RASL10A: variants seen among roughly 807,000 people sequenced by gnomAD.
The protein encoded by RASL10A is ras-like protein family member 10A.
In RASL10A, 13 loss-of-function variants were observed where a neutral mutation model predicts 17.3. The ratio of observed to expected loss-of-function variants is 0.75; its 90% CI spans 0.49 to 1.20. RASL10A has a LOEUF of 1.20. Among genes scored for constraint, RASL10A ranks in the 50% most tolerant of loss-of-function variants. RASL10A has a pLI of 0.00. For synonymous variants in RASL10A, 159 were observed against 142.2 expected (o/e 1.12, Z -0.84); for missense variants, 307 against 310.3 (o/e 0.99, Z 0.08).
Position 29,313,289 on chromosome 22 carries a change from T to C in RASL10A, c.*12A>G, listed in dbSNP as rs748723008. On this transcript the variant is annotated 3_prime_UTR_variant, in exon 3 of 3. Transcript: ENST00000216101. The stretch of plus-strand genomic sequence containing the variant: ...ACAAGGTGGGGCCCATGGATGGCAC[T>C]GTCCGATCGGGTCACATGAGGCTGC... 7 of 1,487,888 alleles carry C rather than the reference T, an allele frequency of 4.7e-6. No individual in the cohort carries two copies. Among genetic ancestry groups the C allele is most frequent in the Non-Finnish European group, 5.4e-6 (6 of 1,116,088 alleles). The allele number at this position is 1,487,888 out of a possible 1,614,324, so 92.2% of individuals were successfully genotyped here. A position where few individuals can be genotyped will look rare whatever the true frequency, so the allele number is the denominator to read the frequency against.
intron 2 of RASL10A, 44 bp from the exon 3 acceptor site, chr22:29,313,612 G>A (rs199553874): frequency 4.0e-6 from 6 of 1,489,840 alleles, no homozygotes; most frequent in Admixed American, 2.3e-5. Flanking sequence ...CCCCACGGCC[G>A]GAGAATTCCC....
At chr22:29,314,084 T>TC (rs2061438355) in intron 1 of RASL10A, 97 bp from the exon 2 acceptor site, 1 of 1,517,738 alleles carries the variant, frequency 6.6e-7, no homozygotes, top group African/African-American at 1.4e-5. Flanking sequence ...CAGGCCAACA[T>TC]CACCCCCATA....
In RASL10A at chr22:29,312,943, T is replaced by G; in HGVS notation, c.*358A>C. The G allele has an allele frequency of 3.3e-6, 1 of 306,598 alleles. No individual in the cohort carries two copies. The highest frequency in any genetic ancestry group is 5.9e-6 in the Non-Finnish European group (1 of 168,194). 19.0% of individuals were successfully genotyped at this position (306,598 alleles called of 1,614,324 possible). ...AAATCCCAGGCGCACTCAAATTATT[T>G]TCCCTTTTATTATCCCGTGGTAGGT... On this transcript the variant is annotated 3_prime_UTR_variant, in exon 3 of 3. Transcript: ENST00000216101.
At position 29,313,412 on chromosome 22, in the gene RASL10A, C is replaced by T. The variant is rs1468098195; in HGVS notation, c.501G>A (p.Val167=). Residue 167 remains valine (V), a synonymous_variant, in exon 3 of 3, where the codon GTG becomes GTA. Coordinates refer to ENST00000216101, the MANE Select transcript of RASL10A (RefSeq NM_006477.5). ...GCAGCAGCTCGCGGAAGAGACGCAGCACGTGCCAGTTGTACTTGGCGGAGC... is the reference window on the plus strand; with the variant it reads ...GCAGCAGCTCGCGGAAGAGACGCAGTACGTGCCAGTTGTACTTGGCGGAGC... The part of the protein sequence containing the change: ...LECSAKYNWH[V]LRLFRELLRC... 6 of 1,541,762 alleles carry T rather than the reference C, an allele frequency of 3.9e-6. No individual in the cohort carries two copies. The African/African-American group carries it at 6.8e-5, about 18-fold the overall frequency.
upstream of RASL10A, among the ~76,000 whole-genome samples, chr22:29,318,411 C>A (rs1382206021): frequency 6.6e-6 from 1 of 152,212 alleles, no homozygotes; most frequent in Non-Finnish European, 1.5e-5. Context: ...GGCTGAGAAG[C>A]CTGGCTTCAT....
chr22:29,314,094 AC>A, intron 1 of RASL10A, 107 bp from the exon 2 acceptor site: 1 of 1,441,592 alleles, frequency 6.9e-7, no homozygotes, highest in Non-Finnish European at 9.3e-7. Context: ...TCACCCCCAT[AC>A]AGACCTCTGT....
upstream of RASL10A, among the ~76,000 whole-genome samples, chr22:29,316,070 T>A (rs2061452667): frequency 1.3e-5 from 2 of 152,164 alleles, no homozygotes; most frequent in African/African-American, 4.8e-5. Flanking sequence ...GGGTCTGCGC[T>A]CCGCATCCAT....
upstream of RASL10A, among the ~76,000 whole-genome samples, chr22:29,319,854 G>A (rs893356085): frequency 7.2e-5 from 11 of 151,996 alleles, no homozygotes; most frequent in East Asian, 1.9e-4. Context: ...GCATGGTGGC[G>A]GGGGCCTGTA....
Position 29,315,595 on chromosome 22 carries a change from C to T in RASL10A, c.-349G>A, listed in dbSNP as rs2147912804. 1 of 159,034 alleles carries T rather than the reference C, an allele frequency of 6.3e-6. No homozygotes were observed. The highest frequency in any genetic ancestry group is 1.8e-4 in the East Asian group (1 of 5,508). 9.9% of individuals were successfully genotyped at this position (159,034 alleles called of 1,614,324 possible). Reference sequence around the variant, plus strand: ...GACGCGCGAGGCGCCGAAGTCCGCCCCTCTCGCGGCGCGGGTCCCGCAGCG... The same window carrying T: ...GACGCGCGAGGCGCCGAAGTCCGCCTCTCTCGCGGCGCGGGTCCCGCAGCG... On this transcript the variant is annotated 5_prime_UTR_variant, in exon 1 of 3. Transcript: ENST00000216101. This position sits in a 1 kb window ranked among gnomAD's most constrained non-coding sequence, Gnocchi z 5.5.
chr22:29,315,275 T>C lies in RASL10A; in HGVS notation c.-29A>G. On this transcript the variant is annotated 5_prime_UTR_variant, in exon 1 of 3. Transcript: ENST00000216101. This position sits in a 1 kb window ranked among gnomAD's most constrained non-coding sequence, Gnocchi z 5.5. ...CGGCCGGCGCTGTCGCTCCCCGCGC[T>C]GGAAAGCCTCATGGGCCGGCGCCGC... is the stretch of plus-strand genomic sequence containing the variant. The C allele has an allele frequency of 7.1e-7, 1 of 1,417,846 alleles. No individual in the cohort carries two copies. The highest frequency in any genetic ancestry group is 9.2e-7 in the Non-Finnish European group (1 of 1,092,640). 87.8% of individuals were successfully genotyped at this position (1,417,846 alleles called of 1,614,324 possible).
Position 29,315,153 on chromosome 22 carries a change from G to T in RASL10A, c.94C>A (p.Arg32Ser). ...CGCGGCCCGTCCGTGGGCCGGTGGC[G>T]CTCGGGGTAGTCACCGAACAGGAAC... ...RQFLFGDYPE[R>S]HRPTDGPRLY... Residue 32 changes from arginine (R) to serine (S), a missense_variant, in exon 1 of 3, where the codon CGC becomes AGC. By Grantham distance (110) the Arg-to-Ser change is moderately radical. Coordinates refer to ENST00000216101, the MANE Select transcript of RASL10A (RefSeq NM_006477.5). The surrounding 1 kb of genome is among the most constrained non-coding windows in gnomAD (Gnocchi z 5.5). 6.5e-7 allele frequency: 1 copy of T among 1,536,024 alleles called. No individual in the cohort carries two copies.
chr22:29,313,287 A>C lies in RASL10A; in HGVS notation c.*14T>G, dbSNP rs1285876925. On this transcript the variant is annotated 3_prime_UTR_variant, in exon 3 of 3. Coordinates refer to ENST00000216101, the MANE Select transcript of RASL10A (RefSeq NM_006477.5). ...TCACAAGGTGGGGCCCATGGATGGC[A>C]CTGTCCGATCGGGTCACATGAGGCT... is the stretch of plus-strand genomic sequence containing the variant. 1.3e-6 allele frequency: 2 copies of C among 1,486,406 alleles called. No homozygotes were observed. The highest frequency in any genetic ancestry group is 4.8e-5 in the Admixed American group (2 of 41,528). The allele number at this position is 1,486,406 out of a possible 1,614,324, so 92.1% of individuals were successfully genotyped here.
upstream of RASL10A, chr22:29,316,713 G>C (rs2061455961): frequency 6.6e-6 from 1 of 152,254 alleles, no homozygotes; most frequent in Non-Finnish European, 1.5e-5. Context: ...TGGCGGCAAT[G>C]CTCAAGAAAT....
intron 2 of RASL10A, 34 bp from the exon 3 acceptor site, chr22:29,313,602 C>G (rs764269254): frequency 7.3e-6 from 11 of 1,498,942 alleles, no homozygotes; most frequent in Non-Finnish European, 9.7e-6. Flanking sequence ...GACGCGGGGA[C>G]CCCACGGCCG....
In RASL10A at chr22:29,315,320, TGCGCCCCGC is replaced by T. The variant is rs2061447326; in HGVS notation, c.-83_-75del. ...CGCCGCACCGTGCGCCCCCAGGCCG[TGCGCCCCGC>T]GCGCCCTGCCCGGTGCGCCACGGCC... On this transcript the variant is annotated 5_prime_UTR_variant, in exon 1 of 3. Coordinates refer to ENST00000216101, the MANE Select transcript of RASL10A (RefSeq NM_006477.5). The surrounding 1 kb of genome is among the most constrained non-coding windows in gnomAD (Gnocchi z 5.5). 4.7e-6 allele frequency: 5 copies of T among 1,066,650 alleles called. No individual in the cohort carries two copies. In the South Asian group the frequency reaches 1.3e-4, roughly 27 times the overall value. 66.1% of individuals were successfully genotyped at this position (1,066,650 alleles called of 1,614,324 possible).
At chr22:29,316,759 G>A (rs1209984516), upstream of RASL10A, 9 of 152,106 alleles carry the variant, frequency 5.9e-5, no homozygotes, top group Admixed American at 4.6e-4. Context: ...TGACTAAGGA[G>A]TTCATTTATT....
upstream of RASL10A, among the ~76,000 whole-genome samples, chr22:29,316,123 CCTA>C (rs2061452945): frequency 6.6e-6 from 1 of 152,228 alleles, no homozygotes; most frequent in Non-Finnish European, 1.5e-5. Flanking sequence ...TTCTTGAGAG[CCTA>C]CTATGTGCCA....
At chr22:29,319,618 AGGCGGGAGGATCGCTT>A (rs2061466928), upstream of RASL10A, 1 of 152,272 alleles carries the variant, frequency 6.6e-6, no homozygotes, top group African/African-American at 2.4e-5. Flanking sequence ...GGGGAGGCCC[AGGCGGGAGGATCGCTT>A]GGGCCCAGGA....
intron 2 of RASL10A, 137 bp from the exon 3 acceptor site, chr22:29,313,705 CCCA>C (rs2061435314): frequency 4.2e-6 from 6 of 1,427,072 alleles, no homozygotes. Context: ...AAACCCCAGG[CCCA>C]TGTGGGCCAA....
Sources: allele counts gnomAD v4.1 joint callset (sites outside exome capture counted in the v4.1 genomes callset), GRCh38; gene constraint gnomAD v4.1.1; non-coding constraint Gnocchi (gnomAD v3.1); transcripts MANE v1.5; gene names NCBI Gene and HGNC (gene_info 2026-07-23, HGNC 2026-07-21).